Variants in LAMB2 observed in about 807,000 individuals in gnomAD.
LAMB2 encodes laminin subunit beta 2, also known as laminin subunit beta-2.
In LAMB2, 119 loss-of-function variants were observed where a neutral mutation model predicts 202.7. That is an observed-to-expected ratio of 0.59 (90% CI 0.51 to 0.68). LAMB2 has a LOEUF of 0.68. LAMB2 is among the 30% of genes least tolerant of loss of function. LAMB2 has a pLI of 0.00. For missense variants in LAMB2, 2,124 were observed against 2,410.6 expected (o/e 0.88, Z 2.49); for synonymous variants, 818 against 902.2 (o/e 0.91, Z 1.67).
rs775204900 is a variant in LAMB2 at position 49,130,955 on chromosome 3, C to T, written c.910G>A (p.Gly304Ser). 3.7e-6 allele frequency: 6 copies of T among 1,614,120 alleles called. No homozygotes were observed. In the Admixed American group the frequency reaches 5.0e-5, roughly 13 times the overall value. The change falls in exon 7 of 32, where the codon GGC (glycine) becomes AGC (serine). Residue 304 changes from glycine to serine, a missense_variant. Physicochemically the swap from Gly to Ser is moderately conservative, Grantham distance 56. Coordinates refer to ENST00000305544, the MANE Select transcript of LAMB2 (RefSeq NM_002292.4). The surrounding 1 kb of genome is among the most constrained non-coding windows in gnomAD (Gnocchi z 5.0). ...AACCGTCTGAAGCCCCTTACCATGC[C>T]CTCAGCATGGGCTGGTGCCCCTGGG... The part of the protein sequence containing the change: ...PAPGAPAHAE[G>S]MVHGACICKH...
At position 49,123,738 on chromosome 3, in the gene LAMB2, C is replaced by T; in HGVS notation, c.3787G>A (p.Glu1263Lys). Residue 1263 changes from glutamate (E) to lysine (K), a missense_variant, in exon 24 of 32, where the codon GAG (glutamate) becomes AAG (lysine). Transcript: ENST00000305544. ...TAGGCCCTTCCGCACCGCAGCTCCT[C>T]TGTGGCCTCCACAAGCTGTGCAGTG... ...ASTAQLVEAT[E>K]ELRREIGEAT... The T allele has an allele frequency of 6.2e-7, 1 of 1,613,484 alleles. No homozygotes were observed. The highest frequency in any genetic ancestry group is 8.5e-7 in the Non-Finnish European group (1 of 1,180,040).
chr3:49,129,380 C>G lies in LAMB2; in HGVS notation c.1519-56G>C. ...ACAGACCTCCAGACCCCATCACCAC[C>G]CAGCAGGAAATCCCAACCACACGTC... On this transcript the variant is annotated intron_variant, in intron 11 of 31. Transcript: ENST00000305544. This position sits in a 1 kb window ranked among gnomAD's most constrained non-coding sequence, Gnocchi z 6.1. The G allele has an allele frequency of 2.0e-6, 3 of 1,497,676 alleles. No individual in the cohort carries two copies. Among genetic ancestry groups the G allele is most frequent in the Non-Finnish European group, 2.8e-6 (3 of 1,082,998 alleles). 92.8% of individuals were successfully genotyped at this position (1,497,676 alleles called of 1,614,324 possible).
chr3:49,122,651 CG>C (rs1005857483), intron 27 of LAMB2, 52 bp downstream of exon 27: 1 of 1,424,604 alleles, frequency 7.0e-7, no homozygotes, highest in Non-Finnish European at 9.9e-7. Context: ...ATACAGACAC[CG>C]GGAGTTGCCA....
At chr3:49,121,923 G>C in intron 29 of LAMB2, 21 bp downstream of exon 29, 1 of 1,613,836 alleles carries the variant, frequency 6.2e-7, no homozygotes, top group East Asian at 2.2e-5. Context: ...TTGTCCCACT[G>C]ATGTCCTAGG....
At position 49,130,476 on chromosome 3, in the gene LAMB2, A is replaced by G. The variant is rs771036030; in HGVS notation, c.1037-57T>C. On this transcript the variant is annotated intron_variant, in intron 8 of 31. Coordinates refer to ENST00000305544, the MANE Select transcript of LAMB2 (RefSeq NM_002292.4). This position sits in a 1 kb window ranked among gnomAD's most constrained non-coding sequence, Gnocchi z 5.0. Reference sequence around the variant, plus strand: ...ACATGAGGAACCAGGTCACAAGGGTAAGAAGTAGGCCACCTTAGATCCCTA... The same window carrying G: ...ACATGAGGAACCAGGTCACAAGGGTGAGAAGTAGGCCACCTTAGATCCCTA... The G allele has an allele frequency of 5.6e-5, 89 of 1,598,140 alleles. No homozygotes were observed. The highest frequency in any genetic ancestry group is 7.4e-5 in the Non-Finnish European group (86 of 1,166,434).
In LAMB2 at chr3:49,121,257, A is replaced by C. The variant is rs751259042; in HGVS notation, c.5366T>G (p.Leu1789Trp). ...GCAGGTGTTGTAGATCTGCACCTGC[A>C]AGTTGATGGCTTGAAGCACGCTGCG... ...RMRSVLQAINLQVQIYNTCQ is the reference protein window; with the variant it reads ...RMRSVLQAINWQVQIYNTCQ Residue 1789 changes from leucine (L) to tryptophan (W), a missense_variant, in exon 32 of 32, where the codon TTG becomes TGG. Transcript: ENST00000305544. 6.2e-7 allele frequency: 1 copy of C among 1,612,284 alleles called. No homozygotes were observed. Among genetic ancestry groups the C allele is most frequent in the African/African-American group, 1.3e-5 (1 of 74,972 alleles).
intron 18 of LAMB2, 106 bp from the exon 19 acceptor site, chr3:49,125,590 A>C: frequency 7.2e-7 from 1 of 1,388,424 alleles, no homozygotes; most frequent in Non-Finnish European, 9.9e-7. Flanking sequence ...CTAGGTGGGA[A>C]GGTCAGGAAA....
rs150465100 is a variant in LAMB2, at chr3:49,121,723, C to A, written c.5061G>T (p.Thr1687=). 491 of 1,613,970 alleles carry A rather than the reference C, an allele frequency of 3.0e-4. 9 individuals carry two copies. The South Asian group carries it at 5.1e-3, about 17-fold the overall frequency. ...NSLAASTAEE[T]AGSAQGRAQE... Reference sequence around the variant, plus strand: ...GGGCACGACCCTGGGCACTGCCTGCCGTTTCTTCTGCTGTAGAGGCTGCCA... The same window carrying A: ...GGGCACGACCCTGGGCACTGCCTGCAGTTTCTTCTGCTGTAGAGGCTGCCA... Residue 1687 remains threonine, a synonymous_variant, in exon 30 of 32, where the codon ACG becomes ACT. Coordinates refer to ENST00000305544, the MANE Select transcript of LAMB2 (RefSeq NM_002292.4).
intron 18 of LAMB2, 65 bp downstream of exon 18, chr3:49,125,679 AAGG>A (rs1397567472): frequency 6.3e-6 from 10 of 1,585,512 alleles, no homozygotes; most frequent in Admixed American, 5.2e-5. Context: ...GCAGGTCCAG[AAGG>A]AGGAGAGAGA....
In LAMB2 at chr3:49,130,762, G is replaced by A. The variant is rs150731491; in HGVS notation, c.1014C>T (p.Asp338=). 82 of 1,614,082 alleles carry A rather than the reference G, an allele frequency of 5.1e-5. No homozygotes were observed. Among genetic ancestry groups the A allele is most frequent in the African/African-American group, 3.1e-4 (23 of 75,054 alleles). Residue 338 remains aspartate (D), a synonymous_variant, in exon 8 of 32, where the codon GAC becomes GAT. Coordinates refer to ENST00000305544, the MANE Select transcript of LAMB2 (RefSeq NM_002292.4). This position sits in a 1 kb window ranked among gnomAD's most constrained non-coding sequence, Gnocchi z 5.0. ...YRDLPWRPAE[D]GHSHACRKCE... is the part of the protein sequence containing the mutation. ...CACTCCTACAGGCATGACTATGGCC[G>A]TCCTCAGCCGGACGCCAGGGCAGGT...
In LAMB2 at chr3:49,121,744, T is replaced by G; in HGVS notation, c.5040A>C (p.Ala1680=). Residue 1680 remains alanine (A), a synonymous_variant, in exon 30 of 32, where the codon GCA becomes GCC. Transcript: ENST00000305544. ...LKLKRAGNSL[A]ASTAEETAGS... ...CTGCCGTTTCTTCTGCTGTAGAGGC[T>G]GCCAGACTATTTCCTGCCCGTTTCA... 4 of 1,613,884 alleles carry G rather than the reference T, an allele frequency of 2.5e-6. No individual in the cohort carries two copies. The highest frequency in any genetic ancestry group is 3.4e-6 in the Non-Finnish European group (4 of 1,180,034).
rs2045242099 is a variant in LAMB2, at chr3:49,121,507, G to A, written c.5186C>T (p.Ala1729Val). ...RKAQGVLAAQ[A>V]RAEQLRDEAR... ...CTCATCCCGCAGTTGTTCTGCCCTTGCCTGTGCAGCCAGCACACCTTGGGC... is the reference window on the plus strand; with the variant it reads ...CTCATCCCGCAGTTGTTCTGCCCTTACCTGTGCAGCCAGCACACCTTGGGC... The change falls in exon 31 of 32, where the codon GCA becomes GTA. Residue 1729 changes from alanine to valine, a missense_variant. Ala to Val is a moderately conservative substitution (Grantham distance 64, BLOSUM62 0). This residue lies in a region of LAMB2 where 1,702 missense variants were observed against 1,896.3 expected (regional missense o/e 0.90). Coordinates refer to ENST00000305544, the MANE Select transcript of LAMB2 (RefSeq NM_002292.4). 6.2e-7 allele frequency: 1 copy of A among 1,614,040 alleles called. No individual in the cohort carries two copies. The highest frequency in any genetic ancestry group is 8.5e-7 in the Non-Finnish European group (1 of 1,180,040).
chr3:49,129,378 A>T lies in LAMB2; in HGVS notation c.1519-54T>A. ...AAACAGACCTCCAGACCCCATCACC[A>T]CCCAGCAGGAAATCCCAACCACACG... is the stretch of plus-strand genomic sequence containing the variant. On this transcript the variant is annotated intron_variant, in intron 11 of 31. Transcript: ENST00000305544. This position sits in a 1 kb window ranked among gnomAD's most constrained non-coding sequence, Gnocchi z 6.1. 6.7e-7 allele frequency: 1 copy of T among 1,497,264 alleles called. No homozygotes were observed. Among genetic ancestry groups the T allele is most frequent in the Non-Finnish European group, 9.2e-7 (1 of 1,082,968 alleles). The allele number at this position is 1,497,264 out of a possible 1,614,324, so 92.7% of individuals were successfully genotyped here. A position where few individuals can be genotyped will look rare whatever the true frequency, so the allele number is the denominator to read the frequency against.
At position 49,121,573 on chromosome 3, in the gene LAMB2, C is replaced by T; in HGVS notation, c.5120G>A (p.Gly1707Asp). The T allele has an allele frequency of 6.2e-7, 1 of 1,613,998 alleles. No homozygotes were observed. Among genetic ancestry groups the T allele is most frequent in the East Asian group, 2.2e-5 (1 of 44,888 alleles). Residue 1707 changes from glycine to aspartate, a missense_variant, in exon 31 of 32, where the codon GGT becomes GAT. By Grantham distance (94) the Gly-to-Asp change is moderately conservative. Coordinates refer to ENST00000305544, the MANE Select transcript of LAMB2 (RefSeq NM_002292.4). ...EAEQLLRGPL[G>D]DQYQTVKALA... ...GGCCTTCACCGTCTGGTACTGATCA[C>T]CCAGAGGACCGCGTAGCAGCTGCAG...
At position 49,132,203 on chromosome 3, in the gene LAMB2, CG is replaced by C. The variant is rs763105715; in HGVS notation, c.386-15del. 1.2e-6 allele frequency: 2 copies of C among 1,614,158 alleles called. No homozygotes were observed. The highest frequency in any genetic ancestry group is 1.1e-5 in the South Asian group (1 of 91,070). Reference sequence around the variant, plus strand: ...CCGCAGGGATACCTGGGACAGGAATCGGAAGTCAAGGACTCAAAGCTACTGG... The same window carrying C: ...CCGCAGGGATACCTGGGACAGGAATCGAAGTCAAGGACTCAAAGCTACTGG... On this transcript the variant is annotated splice_polypyrimidine_tract_variant and intron_variant, in intron 3 of 31. Coordinates refer to ENST00000305544, the MANE Select transcript of LAMB2 (RefSeq NM_002292.4). This position sits in a 1 kb window ranked among gnomAD's most constrained non-coding sequence, Gnocchi z 4.6.
chr3:49,129,910 A>G lies in LAMB2; in HGVS notation c.1334T>C (p.Val445Ala). 1 of 1,614,044 alleles carries G rather than the reference A, an allele frequency of 6.2e-7. No individual in the cohort carries two copies. Among genetic ancestry groups the G allele is most frequent in the East Asian group, 2.2e-5 (1 of 44,888 alleles). The change falls in exon 10 of 32, where the codon GTG (valine) becomes GCG (alanine). Residue 445 changes from valine (V) to alanine (A), a missense_variant. Around this residue, in one of 3 missense-constraint regions of LAMB2, gnomAD observed 1,702 missense variants for 1,896.3 expected, o/e 0.90. Transcript: ENST00000305544. This position sits in a 1 kb window ranked among gnomAD's most constrained non-coding sequence, Gnocchi z 6.1. ...ACGGCATTGCTGGCAGCGAGTGCCCACCACATGTTCTTTGCAGCGACACTG... is the reference window on the plus strand; with the variant it reads ...ACGGCATTGCTGGCAGCGAGTGCCCGCCACATGTTCTTTGCAGCGACACTG... ...SGQCRCKEHV[V>A]GTRCQQCRDG... is the part of the protein sequence containing the mutation.
chr3:49,124,240 C>A lies in LAMB2; in HGVS notation c.3374G>T (p.Cys1125Phe), dbSNP rs912949186. The change falls in exon 23 of 32, where the codon TGT (cysteine) becomes TTT (phenylalanine). Residue 1125 changes from cysteine to phenylalanine, a missense_variant. By Grantham distance (205) the Cys-to-Phe change is radical. Around this residue, in one of 3 missense-constraint regions of LAMB2, gnomAD observed 1,702 missense variants for 1,896.3 expected, o/e 0.90. Coordinates refer to ENST00000305544, the MANE Select transcript of LAMB2 (RefSeq NM_002292.4). ...HCRAGFGGRT[C>F]SECQELHWGD... ...CCAGTGGAGCTCTTGGCACTCAGAACAAGTCCGCCCTCCAAAGCCGGCACG... is the reference window on the plus strand; with the variant it reads ...CCAGTGGAGCTCTTGGCACTCAGAAAAAGTCCGCCCTCCAAAGCCGGCACG... 3 of 1,613,850 alleles carry A rather than the reference C, an allele frequency of 1.9e-6. No homozygotes were observed. Among genetic ancestry groups the A allele is most frequent in the South Asian group, 1.1e-5 (1 of 91,070 alleles).
intron 24 of LAMB2, 33 bp from the exon 25 acceptor site, chr3:49,123,664 G>C (rs2045377231): frequency 6.2e-7 from 1 of 1,613,764 alleles, no homozygotes; most frequent in African/African-American, 1.3e-5. Flanking sequence ...GTTTAGAGAG[G>C]CTTCAGCCCT....
At position 49,123,405 on chromosome 3, in the gene LAMB2, A is replaced by T. The variant is rs777917609; in HGVS notation, c.3983-32T>A. 5 of 1,614,038 alleles carry T rather than the reference A, an allele frequency of 3.1e-6. No homozygotes were observed. The South Asian group carries it at 4.4e-5, about 14-fold the overall frequency. On this transcript the variant is annotated intron_variant, in intron 25 of 31. Coordinates refer to ENST00000305544, the MANE Select transcript of LAMB2 (RefSeq NM_002292.4). ...TGGGCAGAGGCAGACAGTCAGCTGA[A>T]GACTGACCCTGGTCCACCTGCCTAG...
Sources: gnomAD v4.1 joint callset for allele counts on GRCh38, gnomAD v4.1.1 for gene constraint, gnomAD v4.1.1 regional missense constraint, Gnocchi (gnomAD v3.1) non-coding constraint, MANE v1.5 for transcripts, NCBI Gene and HGNC (gene_info 2026-07-23, HGNC 2026-07-21) for gene names.